The following SORCS3 variants were observed in gnomAD, a reference collection of about 807,000 sequenced individuals.
SORCS3 encodes the protein VPS10 domain-containing receptor SorCS3.
Under a neutral mutation model 146.3 loss-of-function variants are expected in SORCS3, and 57 were observed. The ratio of observed to expected loss-of-function variants is 0.39; its 90% CI spans 0.31 to 0.49. SORCS3 has a LOEUF of 0.49. Among genes scored for constraint, SORCS3 ranks in the 20% least tolerant of loss-of-function variants. The pLI, the probability that SORCS3 is intolerant of heterozygous loss-of-function variation, is 0.92. For synonymous variants in SORCS3, 653 were observed against 618.5 expected (o/e 1.06, Z -0.83); for missense variants, 1,341 against 1,575.5 (o/e 0.85, Z 2.52).
chr10:105,103,033 C>T (rs538509313), intron 6 of SORCS3, among the ~76,000 whole-genome samples: 1 of 152,040 alleles, frequency 6.6e-6, no homozygotes, highest in South Asian at 2.1e-4. Flanking sequence ...CGTGATCCAC[C>T]CACCTCGGCC....
At chr10:104,678,656 C>T (rs1162375727) in intron 1 of SORCS3, among the ~76,000 whole-genome samples, 1 of 152,184 alleles carries the variant, frequency 6.6e-6, no homozygotes, top group African/African-American at 2.4e-5. Flanking sequence ...CCACATCTGT[C>T]CCAGTATTTC....
chr10:104,689,619 A>G (rs956304034), intron 1 of SORCS3, among the ~76,000 whole-genome samples: 1 of 152,120 alleles, frequency 6.6e-6, no homozygotes, highest in Admixed American at 6.5e-5. Context: ...CTTTATTTAT[A>G]TTAGCACCTG....
At chr10:105,224,496 G>A (rs1431894423) in intron 20 of SORCS3, among the ~76,000 whole-genome samples, 1 of 152,116 alleles carries the variant, frequency 6.6e-6, no homozygotes, top group African/African-American at 2.4e-5. Flanking sequence ...TCATTGAAGA[G>A]CATACTGGTT....
chr10:104,973,232 C>G (rs1404238087), intron 3 of SORCS3, among the ~76,000 whole-genome samples: 1 of 152,034 alleles, frequency 6.6e-6, no homozygotes, highest in South Asian at 2.1e-4. Flanking sequence ...GGAGGATTCC[C>G]TCTTTTTCTA....
At chr10:104,789,502 C>T (rs1376598363) in intron 1 of SORCS3, among the ~76,000 whole-genome samples, 2 of 152,210 alleles carry the variant, frequency 1.3e-5, no homozygotes, top group Non-Finnish European at 2.9e-5. Context: ...GAGGTTAACA[C>T]ATCTCTCCCT....
chr10:104,908,551 G>A (rs955464002), intron 2 of SORCS3, among the ~76,000 whole-genome samples: 1 of 152,166 alleles, frequency 6.6e-6, no homozygotes, highest in Non-Finnish European at 1.5e-5. Flanking sequence ...AGCTTGCACA[G>A]CTAGATCTGG....
chr10:104,847,141 C>T (rs2018215116), intron 2 of SORCS3, among the ~76,000 whole-genome samples: 1 of 152,172 alleles, frequency 6.6e-6, no homozygotes. Context: ...ATGCCCTCTG[C>T]ACTCGTGGAT....
intron 22 of SORCS3, among the ~76,000 whole-genome samples, chr10:105,252,303 A>G (rs2056904301): frequency 6.6e-6 from 1 of 152,318 alleles, no homozygotes; most frequent in South Asian, 2.1e-4. Context: ...AGTCTTACCA[A>G]TATTAGCTAT....
At chr10:104,871,445 G>A (rs17117818) in intron 2 of SORCS3, among the ~76,000 whole-genome samples, 13,495 of 152,214 alleles carry the variant, frequency 0.089, 783 homozygotes, top group South Asian at 0.27. Flanking sequence ...AAAATTTTGA[G>A]CCCTTGGCTT....
chr10:105,025,258 A>G (rs1339399594), intron 4 of SORCS3, among the ~76,000 whole-genome samples: 1 of 152,102 alleles, frequency 6.6e-6, no homozygotes, highest in African/African-American at 2.4e-5. Context: ...GGCCCTTTAC[A>G]CTTTAAAAGC....
chr10:104,677,755 T>G (rs901712479), intron 1 of SORCS3, among the ~76,000 whole-genome samples: 4 of 152,012 alleles, frequency 2.6e-5, no homozygotes, highest in Non-Finnish European at 4.4e-5. Context: ...ATATCCCACC[T>G]ATATCCCACC....
chr10:105,256,673 C>T, intron 24 of SORCS3, 146 bp from the exon 25 acceptor site: 1 of 629,882 alleles, frequency 1.6e-6, no homozygotes, highest in Non-Finnish European at 2.8e-6. Context: ...GCCAGACTTT[C>T]TGCACCCAGA....
intron 2 of SORCS3, among the ~76,000 whole-genome samples, chr10:104,867,175 G>A (rs575513645): frequency 2.0e-4 from 28 of 139,768 alleles, no homozygotes; most frequent in African/African-American, 7.5e-4. Flanking sequence ...GCAGGGTGGT[G>A]TGAAAGGAAC....
intron 5 of SORCS3, among the ~76,000 whole-genome samples, chr10:105,088,487 T>G (rs1471057900): frequency 7.1e-6 from 1 of 141,134 alleles, no homozygotes; most frequent in Non-Finnish European, 1.6e-5. Flanking sequence ...AAAATCATTT[T>G]AGTTTTTCTA....
chr10:105,084,856 G>T (rs989266481), intron 5 of SORCS3, among the ~76,000 whole-genome samples: 1 of 151,396 alleles, frequency 6.6e-6, no homozygotes, highest in Non-Finnish European at 1.5e-5. Flanking sequence ...TTAGCCTCCC[G>T]AGTAGCTGGG....
chr10:105,132,073 G>A (rs945822300), intron 7 of SORCS3, among the ~76,000 whole-genome samples: 4 of 152,152 alleles, frequency 2.6e-5, no homozygotes, highest in Non-Finnish European at 4.4e-5. Flanking sequence ...ATTTCACATA[G>A]CCTGAGGGAC....
At chr10:104,712,175 G>A (rs935844053) in intron 1 of SORCS3, among the ~76,000 whole-genome samples, 4 of 151,936 alleles carry the variant, frequency 2.6e-5, no homozygotes, top group Admixed American at 1.3e-4. Flanking sequence ...CCTTGAATCC[G>A]GTTAACAACC....
At chr10:105,060,720 C>A (rs1232307420) in intron 5 of SORCS3, among the ~76,000 whole-genome samples, 1 of 152,090 alleles carries the variant, frequency 6.6e-6, no homozygotes, top group Non-Finnish European at 1.5e-5. Context: ...AGGCGGATCA[C>A]CTAGGTCAGG....
chr10:104,923,343 A>T (rs2019107087), intron 3 of SORCS3, among the ~76,000 whole-genome samples: 1 of 152,140 alleles, frequency 6.6e-6, no homozygotes, highest in South Asian at 2.1e-4. Flanking sequence ...CCAAGCCCTT[A>T]GGAAGTGTAA....
Sources: allele counts gnomAD v4.1 joint callset (sites outside exome capture counted in the v4.1 genomes callset), GRCh38; gene constraint gnomAD v4.1.1; transcripts MANE v1.5; gene names NCBI Gene and HGNC (gene_info 2026-07-23, HGNC 2026-07-21).